ATP2B2: variants seen among roughly 807,000 people sequenced by gnomAD.
ATP2B2 encodes the protein ATPase plasma membrane Ca2+ transporting 2.
In ATP2B2, 15 loss-of-function variants were observed where a neutral mutation model predicts 120.0. The observed-to-expected ratio is 0.12, with a 90% confidence interval of 0.08 to 0.19. ATP2B2 has a LOEUF of 0.19. Among genes scored for constraint, ATP2B2 ranks in the 10% least tolerant of loss-of-function variants. ATP2B2 has a pLI of 1.00. For missense variants in ATP2B2, 1,045 were observed against 1,719.8 expected (o/e 0.61, Z 6.94); for synonymous variants, 694 against 700.3 (o/e 0.99, Z 0.14).
At chr3:10,414,928 C>G (rs139182230) in intron 2 of ATP2B2, among the ~76,000 whole-genome samples, 12 of 152,170 alleles carry the variant, frequency 7.9e-5, no homozygotes, top group South Asian at 4.1e-4. Flanking sequence ...GTTTCCACTA[C>G]GAGCATCCCA....
At chr3:10,330,074 C>T (rs1008058780) in intron 22 of ATP2B2, among the ~76,000 whole-genome samples, 4 of 152,162 alleles carry the variant, frequency 2.6e-5, no homozygotes, top group East Asian at 1.9e-4. Context: ...AACCAAAAAA[C>T]GAGGCTGGAA....
intron 10 of ATP2B2, among the ~76,000 whole-genome samples, chr3:10,376,093 C>G (rs1457298779): frequency 6.6e-6 from 1 of 152,288 alleles, no homozygotes; most frequent in East Asian, 1.9e-4. Flanking sequence ...GCACCTATGA[C>G]ACGCCAGGCA....
chr3:10,685,157 C>A (rs2071487950), intron 1 of ATP2B2, among the ~76,000 whole-genome samples: 1 of 152,196 alleles, frequency 6.6e-6, no homozygotes, highest in South Asian at 2.1e-4. Flanking sequence ...ACTGTTTAAT[C>A]CCTGGGGTTG....
chr3:10,410,323 G>GT (rs2062565334), intron 3 of ATP2B2, among the ~76,000 whole-genome samples: 1 of 152,176 alleles, frequency 6.6e-6, no homozygotes, highest in Admixed American at 6.5e-5. Context: ...ACCTCAGGGG[G>GT]TTGTCAGGGC....
rs369741116 is a variant in ATP2B2, at chr3:10,345,392, T to C, written c.2695A>G (p.Ile899Val). 17 of 1,614,182 alleles carry C rather than the reference T, an allele frequency of 1.1e-5. No individual in the cohort carries two copies. The highest frequency in any genetic ancestry group is 1.4e-5 in the Non-Finnish European group (16 of 1,180,026). ...AVIVAFTGACITQDSPLKAVQ... is the reference protein window; with the variant it reads ...AVIVAFTGACVTQDSPLKAVQ... ...GTCTCCTGCGGACCCACCTGCGTGA[T>C]GCAGGCGCCTGTGAAGGCCACAATC... Residue 899 changes from isoleucine (I) to valine (V), a missense_variant, in exon 18 of 23, where the codon ATC becomes GTC. Coordinates refer to ENST00000360273, the MANE Select transcript of ATP2B2 (RefSeq NM_001001331.4).
intron 3 of ATP2B2, among the ~76,000 whole-genome samples, chr3:10,513,626 C>T (rs1036065831): frequency 6.6e-6 from 1 of 152,132 alleles, no homozygotes; most frequent in African/African-American, 2.4e-5. Flanking sequence ...GGGTGGACTC[C>T]GAGCCCAGGA....
At chr3:10,354,243 A>G (rs1437321788) in intron 14 of ATP2B2, among the ~76,000 whole-genome samples, 1 of 152,236 alleles carries the variant, frequency 6.6e-6, no homozygotes, top group Admixed American at 6.5e-5. Flanking sequence ...TTGGACAAAC[A>G]GCTCTGGCGC....
chr3:10,548,750 T>G (rs2067604394), intron 2 of ATP2B2, among the ~76,000 whole-genome samples: 1 of 152,234 alleles, frequency 6.6e-6, no homozygotes, highest in Admixed American at 6.5e-5. Context: ...TATGATCTGC[T>G]TCTGGAAGAA....
intron 2 of ATP2B2, among the ~76,000 whole-genome samples, chr3:10,568,292 T>G (rs2068052570): frequency 1.3e-5 from 2 of 152,124 alleles, no homozygotes; most frequent in South Asian, 2.1e-4. Flanking sequence ...AGCTTGCTCA[T>G]CCAGTGCCAT....
intron 1 of ATP2B2, among the ~76,000 whole-genome samples, chr3:10,490,308 C>T (rs978401761): frequency 1.3e-5 from 2 of 152,078 alleles, no homozygotes; most frequent in Non-Finnish European, 2.9e-5. Flanking sequence ...ATTTCCTCAT[C>T]TGTAAAATGG....
At position 10,328,099 on chromosome 3, in the gene ATP2B2, T is replaced by C. The variant is rs1468659769; in HGVS notation, c.*715A>G. The C allele has an allele frequency of 1.3e-5, 2 of 150,168 alleles. No individual in the cohort carries two copies. The highest frequency in any genetic ancestry group is 1.3e-4 in the Admixed American group (2 of 14,996). 9.3% of individuals were successfully genotyped at this position (150,168 alleles called of 1,614,324 possible). Reference sequence around the variant, plus strand: ...AAGGCAACATGCCGGCAAAGAAACTTTATATATCCATGTATATATATTTAT... The same window carrying C: ...AAGGCAACATGCCGGCAAAGAAACTCTATATATCCATGTATATATATTTAT... On this transcript the variant is annotated 3_prime_UTR_variant, in exon 23 of 23. Transcript: ENST00000360273.
chr3:10,358,779 G>A lies in ATP2B2; in HGVS notation c.2048C>T (p.Pro683Leu), dbSNP rs572312326. ...ATTCTCATTGTCCCAGTCCGGCTCC[G>A]GGCTGCTGGGGAAGTCGCGGTAGGC... Reference protein sequence around the residue: ...CVAYRDFPSSPEPDWDNENDI... With the variant: ...CVAYRDFPSSLEPDWDNENDI... Residue 683 changes from proline (P) to leucine (L), a missense_variant, in exon 14 of 23, where the codon CCG becomes CTG. By Grantham distance (98) the Pro-to-Leu change is moderately conservative. This residue lies in a region of ATP2B2 where 343 missense variants were observed against 536.8 expected (regional missense o/e 0.64). Transcript: ENST00000360273. 1.4e-5 allele frequency: 22 copies of A among 1,614,230 alleles called. No individual in the cohort carries two copies. In the African/African-American group the frequency reaches 1.6e-4, roughly 12 times the overall value.
At chr3:10,659,990 A>C (rs2070738085) in intron 1 of ATP2B2, among the ~76,000 whole-genome samples, 1 of 152,220 alleles carries the variant, frequency 6.6e-6, no homozygotes, top group Non-Finnish European at 1.5e-5. Flanking sequence ...CCTGCTCCTG[A>C]ATGACTACTG....
At chr3:10,624,948 T>A (rs2069654311) in intron 1 of ATP2B2, among the ~76,000 whole-genome samples, 1 of 152,226 alleles carries the variant, frequency 6.6e-6, no homozygotes, top group African/African-American at 2.4e-5. Flanking sequence ...GGCACCAGGC[T>A]GGAGCCAAGG....
intron 2 of ATP2B2, among the ~76,000 whole-genome samples, chr3:10,441,360 C>T (rs2063659628): frequency 6.6e-6 from 1 of 152,204 alleles, no homozygotes; most frequent in East Asian, 1.9e-4. Context: ...GTGTCTCAGC[C>T]TCCCAAGTAG....
chr3:10,450,723 C>T (rs2125187527), intron 1 of ATP2B2, among the ~76,000 whole-genome samples: 1 of 152,346 alleles, frequency 6.6e-6, no homozygotes, highest in Non-Finnish European at 1.5e-5. Context: ...GCTTCCCGTC[C>T]CTCTCTGGAG....
At chr3:10,487,420 G>T (rs895482316) in intron 1 of ATP2B2, among the ~76,000 whole-genome samples, 3 of 152,324 alleles carry the variant, frequency 2.0e-5, no homozygotes, top group Admixed American at 1.3e-4. Context: ...GTCAGGTCCT[G>T]CCTGGCTTAC....
intron 6 of ATP2B2, among the ~76,000 whole-genome samples, chr3:10,387,706 G>T (rs1016174781): frequency 2.0e-5 from 3 of 152,176 alleles, no homozygotes; most frequent in African/African-American, 7.2e-5. Flanking sequence ...AGTGAATAAG[G>T]AATCTTATTT....
Position 10,672,249 on chromosome 3 carries a change from G to A in ATP2B2, c.-460+35666C>T, listed in dbSNP as rs192807692. Among the ~76,000 whole-genome samples the A allele has an allele frequency of 1.4e-3, 210 of 152,310 alleles. 1 individual carries two copies. Among genetic ancestry groups the A allele is most frequent in the African/African-American group, 4.7e-3 (197 of 41,566 alleles). On this transcript the variant is annotated intron_variant, in intron 1 of 21. Transcript: ENST00000646379. ...AGCTTTCCAACCTCCTGGCGCTCCAGCTTCCAAGCCCATAAGCAAAGTGTG... is the reference window on the plus strand; with the variant it reads ...AGCTTTCCAACCTCCTGGCGCTCCAACTTCCAAGCCCATAAGCAAAGTGTG...
Sources: allele counts gnomAD v4.1 joint callset (sites outside exome capture counted in the v4.1 genomes callset), GRCh38; gene constraint gnomAD v4.1.1; regional missense constraint gnomAD v4.1.1; transcripts MANE v1.5; gene names NCBI Gene and HGNC (gene_info 2026-07-23, HGNC 2026-07-21).